The following ENO4 variants were observed in gnomAD, a reference collection of about 807,000 sequenced individuals.
ENO4 encodes enolase 4.
ENO4 carries 53 observed loss-of-function variants against 63.2 expected under a neutral mutation model. That is an observed-to-expected ratio of 0.84 (90% CI 0.67 to 1.05). ENO4 has a LOEUF of 1.05. Ranked by LOEUF, ENO4 falls within the 50% of genes least tolerant of loss-of-function variation. The pLI, the probability that ENO4 is intolerant of heterozygous loss-of-function variation, is 0.00. For synonymous variants in ENO4, 266 were observed against 283.8 expected, an observed-to-expected ratio of 0.94 and a Z score of 0.63; for missense variants, 719 against 772.0, an observed-to-expected ratio of 0.93 and a Z score of 0.81.
downstream of ENO4, chr10:116,886,441 T>G (rs762972159): frequency 2.5e-6 from 4 of 1,612,096 alleles, no homozygotes; most frequent in African/African-American, 5.3e-5. Flanking sequence ...TTGAGTTGGA[T>G]CTTTTTCAGC....
chr10:116,879,995 TG>T lies in ENO4; in HGVS notation c.1723+10del. Reference sequence around the variant, plus strand: ...CCAGAATGGAACACTGGGTATGCGCTGCTTTCTTGCTTTGTTTCCACTTAGC... The same window carrying T: ...CCAGAATGGAACACTGGGTATGCGCTCTTTCTTGCTTTGTTTCCACTTAGC... On this transcript the variant is annotated intron_variant, in intron 13 of 13. Transcript: ENST00000341276. 6.6e-7 allele frequency: 1 copy of T among 1,521,186 alleles called. No homozygotes were observed. Among genetic ancestry groups the T allele is most frequent in the Non-Finnish European group, 8.9e-7 (1 of 1,122,552 alleles). 94.2% of individuals were successfully genotyped at this position (1,521,186 alleles called of 1,614,324 possible). A position where few individuals can be genotyped will look rare whatever the true frequency, so the allele number is the denominator to read the frequency against.
chr10:116,899,709 A>G (rs2133320072), intron 10 of ENO4, among the ~76,000 whole-genome samples: 1 of 152,352 alleles, frequency 6.6e-6, no homozygotes, highest in African/African-American at 2.4e-5. Context: ...AGTGTTAACT[A>G]CTAGAATGCA....
intron 10 of ENO4, chr10:116,906,489 C>T: frequency 1.3e-6 from 1 of 744,084 alleles, no homozygotes; most frequent in African/African-American, 1.8e-5. Context: ...TATCTTTACC[C>T]ATCCCATACT....
At chr10:116,858,464 GT>G (rs71943595) in intron 3 of ENO4, among the ~76,000 whole-genome samples, 33,454 of 152,044 alleles carry the variant, frequency 0.22, 3,816 homozygotes, top group East Asian at 0.27. Flanking sequence ...TATTTGCCTG[GT>G]TTTTTGCCTA....
intron 10 of ENO4, among the ~76,000 whole-genome samples, chr10:116,894,843 G>C (rs1847458985): frequency 6.6e-6 from 1 of 152,158 alleles, no homozygotes; most frequent in Non-Finnish European, 1.5e-5. Context: ...GATGGTTTCA[G>C]GGGAGAAAAG....
At chr10:116,886,239 T>A (rs1050669402), downstream of ENO4, 5 of 1,458,638 alleles carry the variant, frequency 3.4e-6, no homozygotes, top group African/African-American at 7.1e-5. Context: ...GTATTCTGAA[T>A]ACAGTGACCA....
chr10:116,884,409 G>A, downstream of ENO4: 1 of 374,716 alleles, frequency 2.7e-6, no homozygotes, highest in Non-Finnish European at 5.4e-6. Flanking sequence ...GAGAAAGTAA[G>A]CAGCTTAAAA....
intron 10 of ENO4, among the ~76,000 whole-genome samples, chr10:116,904,836 G>A (rs879336711): frequency 2.6e-5 from 4 of 152,086 alleles, no homozygotes; most frequent in Non-Finnish European, 5.9e-5. Flanking sequence ...CTGGAGAAAC[G>A]AAAAAGCCAG....
In ENO4 at chr10:116,900,947, C is replaced by T. The variant is rs1847709881; in HGVS notation, c.1195-10552C>T. On this transcript the variant is annotated intron_variant, in intron 10 of 10. Transcript: ENST00000369207. ...ATAGATCCAAATTGAATTCCAACTTCATTTGTCCAGGTTTCACCTTTTAAG... is the reference window on the plus strand; with the variant it reads ...ATAGATCCAAATTGAATTCCAACTTTATTTGTCCAGGTTTCACCTTTTAAG... The T allele has an allele frequency of 2.1e-5, 21 of 985,314 alleles. No individual in the cohort carries two copies. The South Asian group carries it at 2.8e-4, about 13-fold the overall frequency. 61.0% of individuals were successfully genotyped at this position (985,314 alleles called of 1,614,324 possible). A position where few individuals can be genotyped will look rare whatever the true frequency, so the allele number is the denominator to read the frequency against.
downstream of ENO4, chr10:116,911,818 C>G: frequency 6.2e-7 from 1 of 1,612,728 alleles, no homozygotes; most frequent in Non-Finnish European, 8.5e-7. Flanking sequence ...ATCCACTGCA[C>G]TTTCGCAGCC....
intron 1 of ENO4, among the ~76,000 whole-genome samples, chr10:116,853,633 A>G (rs1846159550): frequency 6.6e-6 from 1 of 152,204 alleles, no homozygotes; most frequent in Admixed American, 6.5e-5. Flanking sequence ...GGCACATTAT[A>G]GGTGCTTGGT....
intron 10 of ENO4, chr10:116,901,647 A>G (rs1847741405): frequency 7.4e-7 from 1 of 1,356,748 alleles, no homozygotes; most frequent in Non-Finnish European, 9.4e-7. Context: ...GAAAAGAAGA[A>G]GAGAATTTAC....
intron 13 of ENO4, 33 bp downstream of exon 13, chr10:116,880,019 A>G: frequency 6.8e-7 from 1 of 1,466,144 alleles, no homozygotes; most frequent in Non-Finnish European, 9.3e-7. Context: ...GTTTCCACTT[A>G]GCCATGAATA....
At chr10:116,883,674 C>T (rs146481218), downstream of ENO4, 569 of 153,544 alleles carry the variant, frequency 3.7e-3, 1 homozygote, top group South Asian at 7.9e-3. Flanking sequence ...ACTCCATTTC[C>T]AGCAGTTTAC....
intron 11 of ENO4, among the ~76,000 whole-genome samples, chr10:116,877,953 G>C (rs1018745518): frequency 1.3e-5 from 2 of 152,184 alleles, no homozygotes; most frequent in African/African-American, 4.8e-5. Flanking sequence ...CTGTTCCTTT[G>C]GACCAGAATG....
intron 1 of ENO4, chr10:116,850,047 C>G (rs1190116128): frequency 3.9e-6 from 2 of 506,508 alleles, no homozygotes; most frequent in Non-Finnish European, 7.2e-6. Flanking sequence ...GTTTGTGGGC[C>G]GGCCCACCGC....
chr10:116,858,394 T>C (rs1485192158), intron 3 of ENO4, among the ~76,000 whole-genome samples: 1 of 152,230 alleles, frequency 6.6e-6, no homozygotes, highest in Non-Finnish European at 1.5e-5. Context: ...GGCATTGCCC[T>C]ACTGGCATCT....
chr10:116,894,298 G>A (rs1434133047), intron 10 of ENO4, among the ~76,000 whole-genome samples: 1 of 152,180 alleles, frequency 6.6e-6, no homozygotes, highest in African/African-American at 2.4e-5. Flanking sequence ...GGTTTCACTG[G>A]AAATGAACAT....
chr10:116,885,588 A>G (rs1397015850), downstream of ENO4: 1 of 152,630 alleles, frequency 6.6e-6, no homozygotes, highest in Non-Finnish European at 1.5e-5. Context: ...AGTATTTGGG[A>G]AAACATAATT....
Sources: allele counts gnomAD v4.1 joint callset (sites outside exome capture counted in the v4.1 genomes callset), GRCh38; gene constraint gnomAD v4.1.1; transcripts MANE v1.5; gene names NCBI Gene and HGNC (gene_info 2026-07-23, HGNC 2026-07-21).